Variants in MACROD2 observed in about 807,000 individuals in gnomAD.
The protein encoded by MACROD2 is mono-ADP ribosylhydrolase 2.
A neutral mutation model predicts 70.4 loss-of-function variants in MACROD2; 36 were observed. The ratio of observed to expected loss-of-function variants is 0.51; its 90% CI spans 0.39 to 0.68. The LOEUF (loss-of-function observed/expected upper bound fraction) is 0.68, where lower values mean the gene tolerates loss of function less well. MACROD2 is among the 30% of genes least tolerant of loss of function. The pLI, the probability that MACROD2 is intolerant of heterozygous loss-of-function variation, is 0.00. For synonymous variants in MACROD2, 172 were observed against 178.8 expected (o/e 0.96, Z 0.30); for missense variants, 496 against 538.4 (o/e 0.92, Z 0.78).
intron 8 of MACROD2, among the ~76,000 whole-genome samples, chr20:15,824,823 T>C (rs2063979182): frequency 6.6e-6 from 1 of 152,230 alleles, no homozygotes; most frequent in Non-Finnish European, 1.5e-5. Flanking sequence ...CTTAATTCAC[T>C]ATATCCACCA....
At position 14,032,266 on chromosome 20, in the gene MACROD2, A is replaced by C. The variant is rs139832728; in HGVS notation, c.163+29862A>C. On this transcript the variant is annotated intron_variant, in intron 2 of 17. Coordinates refer to ENST00000684519, the MANE Select transcript of MACROD2 (RefSeq NM_001351661.2). ...TTTCCAAAATTGCAAGCAAGGTTGCAGTGAATATGTTTGTTACCCTTGTGT... is the reference window on the plus strand; with the variant it reads ...TTTCCAAAATTGCAAGCAAGGTTGCCGTGAATATGTTTGTTACCCTTGTGT... Among the ~76,000 whole-genome samples, 630 of 152,232 alleles carry C rather than the reference A, an allele frequency of 4.1e-3. 4 individuals carry two copies. The highest frequency in any genetic ancestry group is 0.014 in the African/African-American group (598 of 41,554).
At position 14,369,659 on chromosome 20, in the gene MACROD2, T is replaced by A. The variant is rs547868262; in HGVS notation, c.272-123820T>A. On this transcript the variant is annotated intron_variant, in intron 3 of 17. Coordinates refer to ENST00000684519, the MANE Select transcript of MACROD2 (RefSeq NM_001351661.2). ...CAGTTTACTTTCAGGGCTTTAGTTA[T>A]CCACATGGTATAATGTGCACTGTCC... 7.2e-5 allele frequency among the ~76,000 whole-genome samples: 11 copies of A among 152,348 alleles called. No individual in the cohort carries two copies. The East Asian group carries it at 1.9e-3, about 27-fold the overall frequency.
At chr20:14,239,944 C>G (rs1362197758) in intron 3 of MACROD2, among the ~76,000 whole-genome samples, 1 of 152,168 alleles carries the variant, frequency 6.6e-6, no homozygotes, top group Non-Finnish European at 1.5e-5. Context: ...TGACAAGGCT[C>G]TTATATCCGG....
At chr20:15,075,925 T>G (rs924545528) in intron 5 of MACROD2, among the ~76,000 whole-genome samples, 133 of 152,018 alleles carry the variant, frequency 8.7e-4, no homozygotes, top group Non-Finnish European at 7.4e-5. Context: ...TTAGGAAAAT[T>G]TTAGGGGAAG....
chr20:14,972,732 G>A (rs6043043), intron 5 of MACROD2, among the ~76,000 whole-genome samples: 2,405 of 152,212 alleles, frequency 0.016, 59 homozygotes, highest in African/African-American at 0.053. Flanking sequence ...TCATTTAGGA[G>A]GAGTGCTTAC....
intron 5 of MACROD2, among the ~76,000 whole-genome samples, chr20:14,848,799 C>T (rs1328474913): frequency 1.3e-5 from 2 of 152,076 alleles, no homozygotes; most frequent in Non-Finnish European, 2.9e-5. Flanking sequence ...ATTATATAAT[C>T]GGATTTTCAT....
At chr20:14,979,377 G>A (rs1460291508) in intron 5 of MACROD2, among the ~76,000 whole-genome samples, 1 of 152,086 alleles carries the variant, frequency 6.6e-6, no homozygotes, top group Non-Finnish European at 1.5e-5. Flanking sequence ...CTGCATTTCA[G>A]TGAGGCATGT....
At chr20:15,334,109 C>T (rs2078022647) in intron 6 of MACROD2, among the ~76,000 whole-genome samples, 1 of 151,728 alleles carries the variant, frequency 6.6e-6, no homozygotes, top group East Asian at 1.9e-4. Flanking sequence ...TCCCCTGTTC[C>T]CTCATGAGCA....
chr20:14,187,257 G>A (rs1027090332), intron 3 of MACROD2, among the ~76,000 whole-genome samples: 6 of 151,834 alleles, frequency 4.0e-5, no homozygotes, highest in African/African-American at 1.5e-4. Context: ...TTGAGAAAGA[G>A]ACAGATTTTG....
intron 8 of MACROD2, among the ~76,000 whole-genome samples, chr20:15,759,160 A>AAAAC (rs1411634920): frequency 1.3e-5 from 2 of 151,102 alleles, no homozygotes; most frequent in Non-Finnish European, 3.0e-5. Flanking sequence ...AAAAAAAAAA[A>AAAAC]AAAAAACAGA....
At chr20:14,713,310 G>C (rs1209419619) in intron 5 of MACROD2, among the ~76,000 whole-genome samples, 1 of 152,154 alleles carries the variant, frequency 6.6e-6, no homozygotes, top group African/African-American at 2.4e-5. Context: ...CCATTTTTCA[G>C]ATGAGGACAC....
chr20:15,806,541 A>T (rs1324020164), intron 8 of MACROD2, among the ~76,000 whole-genome samples: 1 of 152,140 alleles, frequency 6.6e-6, no homozygotes, highest in Non-Finnish European at 1.5e-5. Flanking sequence ...AGAAGAAAAC[A>T]GAGTGATCTT....
At chr20:15,173,979 G>A (rs1210508893) in intron 5 of MACROD2, among the ~76,000 whole-genome samples, 1 of 152,150 alleles carries the variant, frequency 6.6e-6, no homozygotes, top group African/African-American at 2.4e-5. Context: ...TATTCTCTAA[G>A]CTACTAATCA....
At chr20:15,005,327 T>TA (rs2075027233) in intron 5 of MACROD2, among the ~76,000 whole-genome samples, 2 of 152,162 alleles carry the variant, frequency 1.3e-5, no homozygotes, top group Non-Finnish European at 2.9e-5. Context: ...AAATTCCCCT[T>TA]AAAAAGCCCA....
At chr20:14,124,073 A>C (rs1351656317) in intron 3 of MACROD2, among the ~76,000 whole-genome samples, 2 of 152,150 alleles carry the variant, frequency 1.3e-5, no homozygotes, top group Non-Finnish European at 2.9e-5. Flanking sequence ...CTTTGCTCCA[A>C]AAAGCAAATG....
At chr20:14,081,405 A>G (rs748373199) in intron 2 of MACROD2, among the ~76,000 whole-genome samples, 1 of 152,194 alleles carries the variant, frequency 6.6e-6, no homozygotes, top group Non-Finnish European at 1.5e-5. Flanking sequence ...TACTGCTTTA[A>G]TCACTTCCAG....
intron 5 of MACROD2, among the ~76,000 whole-genome samples, chr20:15,189,824 T>G (rs80000166): frequency 0.013 from 1,981 of 152,306 alleles, 37 homozygotes; most frequent in African/African-American, 0.044. Context: ...ATCATTACAG[T>G]GTTATCTCAC....
chr20:15,555,271 A>T (rs1315975298), intron 8 of MACROD2, among the ~76,000 whole-genome samples: 2 of 152,158 alleles, frequency 1.3e-5, no homozygotes, highest in African/African-American at 4.8e-5. Flanking sequence ...GACCAATTCC[A>T]GTCCCTCTTT....
intron 5 of MACROD2, among the ~76,000 whole-genome samples, chr20:14,717,287 C>G (rs1347726239): frequency 6.6e-6 from 1 of 152,160 alleles, no homozygotes; most frequent in Admixed American, 6.5e-5. Flanking sequence ...GTGCAGTCAT[C>G]AGCAGGTTAT....
Sources: allele counts gnomAD v4.1 joint callset (sites outside exome capture counted in the v4.1 genomes callset), GRCh38; gene constraint gnomAD v4.1.1; transcripts MANE v1.5; gene names NCBI Gene and HGNC (gene_info 2026-07-23, HGNC 2026-07-21).